Variants in ERMAP observed in about 807,000 individuals in gnomAD.
The protein encoded by ERMAP is erythroid membrane-associated protein.
ERMAP carries 34 observed loss-of-function variants against 49.5 expected under a neutral mutation model. The ratio of observed to expected loss-of-function variants is 0.69; its 90% CI spans 0.52 to 0.91. The LOEUF is 0.91. ERMAP is among the 40% of genes least tolerant of loss of function. The pLI is 0.00. For synonymous variants in ERMAP, 214 were observed against 232.2 expected (o/e 0.92, Z 0.71); for missense variants, 541 against 582.6 (o/e 0.93, Z 0.74).
At position 42,830,901 on chromosome 1, in the gene ERMAP, C is replaced by T. The variant is rs33954154; in HGVS notation, c.219C>T (p.Arg73=). ...VRWLRSPFPQ[R]SQAVHIFRDG... ...GGCTGCGGTCCCCATTCCCGCAGCG[C>T]TCCCAGGCTGTTCACATATTCCGGG... The change falls in exon 4 of 12, where the codon CGC becomes CGT. Residue 73 remains arginine (R), a synonymous_variant. Coordinates refer to ENST00000372517, the MANE Select transcript of ERMAP (RefSeq NM_001017922.2). 4.7e-3 allele frequency: 7,564 copies of T among 1,614,038 alleles called. 304 individuals are homozygous for T. In the African/African-American group the frequency reaches 0.087, roughly 19 times the overall value.
rs1278351183 is a variant in ERMAP at position 42,835,053 on chromosome 1, G to A, written c.449G>A (p.Ser150Asn). 1 of 1,466,504 alleles carries A rather than the reference G, an allele frequency of 6.8e-7. No individual in the cohort carries two copies. Among genetic ancestry groups the A allele is most frequent in the Non-Finnish European group, 9.6e-7 (1 of 1,045,056 alleles). The allele number at this position is 1,466,504 out of a possible 1,614,324, so 90.8% of individuals were successfully genotyped here. Reference sequence around the variant, plus strand: ...TCTGTTTCAGCCCCATCTGTGGGGAGTCTCTCCCCCTCAGCAGTGGCTCTG... The same window carrying A: ...TCTGTTTCAGCCCCATCTGTGGGGAATCTCTCCCCCTCAGCAGTGGCTCTG... ...ILQVAAPSVG[S>N]LSPSAVALAV... is the part of the protein sequence containing the mutation. The change falls in exon 5 of 12, where the codon AGT becomes AAT. Residue 150 changes from serine to asparagine, a missense_variant. Ser to Asn is a conservative substitution (Grantham distance 46). Transcript: ENST00000372517.
chr1:42,833,524 T>C (rs1266907466), intron 4 of ERMAP, among the ~76,000 whole-genome samples: 1 of 152,256 alleles, frequency 6.6e-6, no homozygotes, highest in Admixed American at 6.5e-5. Flanking sequence ...TTTTGCCATG[T>C]GGCTATAGAA....
Position 42,843,303 on chromosome 1 carries a change from C to A in ERMAP, c.*71C>A. ...CTGGACTTCAGTCGCCTGGCCCAAC[C>A]CCATGATTATGGAACGTCTCTTCAC... On this transcript the variant is annotated 3_prime_UTR_variant, in exon 12 of 12. Coordinates refer to ENST00000372517, the MANE Select transcript of ERMAP (RefSeq NM_001017922.2). The A allele has an allele frequency of 3.5e-6, 4 of 1,153,036 alleles. No homozygotes were observed. The highest frequency in any genetic ancestry group is 3.6e-6 in the Non-Finnish European group (3 of 822,396). The allele number at this position is 1,153,036 out of a possible 1,614,324, so 71.4% of individuals were successfully genotyped here.
intron 2 of ERMAP, among the ~76,000 whole-genome samples, chr1:42,826,383 A>AT (rs35807381): frequency 0.042 from 6,330 of 151,832 alleles, 207 homozygotes; most frequent in Non-Finnish European, 0.064. Context: ...AAATTGGCAA[A>AT]TTTTTTTTTA....
At chr1:42,839,973 T>C (rs1655009664) in intron 8 of ERMAP, 60 bp from the exon 9 acceptor site, 4 of 1,521,110 alleles carry the variant, frequency 2.6e-6, no homozygotes, top group African/African-American at 1.4e-5. Flanking sequence ...TGTAGCATTA[T>C]GGGAGGGCCT....
chr1:42,817,246 C>G lies in ERMAP; in HGVS notation c.-129C>G. 6 of 1,253,908 alleles carry G rather than the reference C, an allele frequency of 4.8e-6. No individual in the cohort carries two copies. Among genetic ancestry groups the G allele is most frequent in the Non-Finnish European group, 5.1e-6 (5 of 972,728 alleles). The allele number at this position is 1,253,908 out of a possible 1,614,324, so 77.7% of individuals were successfully genotyped here. ...CTCCGCCGAGTCGCAGACAACGCCTCCGGGAGGGTAATCCTCGCCTTCCCC... is the reference window on the plus strand; with the variant it reads ...CTCCGCCGAGTCGCAGACAACGCCTGCGGGAGGGTAATCCTCGCCTTCCCC... On this transcript the variant is annotated 5_prime_UTR_variant, in exon 1 of 12. Transcript: ENST00000372517.
At chr1:42,836,892 G>A in intron 6 of ERMAP, 1 of 313,662 alleles carries the variant, frequency 3.2e-6, no homozygotes, top group Non-Finnish European at 5.7e-6. Flanking sequence ...ATCCAGCCAG[G>A]GTGGCAGATT....
chr1:42,830,700 T>C, intron 3 of ERMAP, 68 bp from the exon 4 acceptor site: 2 of 1,446,032 alleles, frequency 1.4e-6, no homozygotes, highest in Admixed American at 4.5e-5. Context: ...GGATATCCTC[T>C]TCCTCATCCC....
intron 1 of ERMAP, among the ~76,000 whole-genome samples, chr1:42,823,570 C>G (rs1204109679): frequency 2.0e-5 from 3 of 152,118 alleles, no homozygotes; most frequent in Non-Finnish European, 2.9e-5. Flanking sequence ...AAATGCCTGC[C>G]AAATACCCAA....
intron 4 of ERMAP, among the ~76,000 whole-genome samples, chr1:42,831,706 C>T (rs1019387126): frequency 2.0e-5 from 3 of 151,502 alleles, no homozygotes; most frequent in African/African-American, 7.3e-5. Flanking sequence ...ACCTCAGCCT[C>T]CCAAGTAGCT....
rs1654272310 is a variant in ERMAP at position 42,817,388 on chromosome 1, G to C, written c.-122+135G>C. ...GGCTTCCGCCCGCAGGAGCGGCCGC[G>C]CGTGCGCAGAGAGGATGGCTGGAAA... On this transcript the variant is annotated intron_variant, in intron 1 of 11. Transcript: ENST00000372517. 6.5e-6 allele frequency: 3 copies of C among 463,680 alleles called. No individual in the cohort carries two copies. The African/African-American group carries it at 6.5e-5, about 10-fold the overall frequency. 28.7% of individuals were successfully genotyped at this position (463,680 alleles called of 1,614,324 possible).
chr1:42,839,852 T>C, intron 8 of ERMAP, 181 bp from the exon 9 acceptor site: 1 of 646,824 alleles, frequency 1.5e-6, no homozygotes. Context: ...GCAGTATCTC[T>C]GGGGATACTC....
intron 10 of ERMAP, 40 bp downstream of exon 10, chr1:42,840,218 G>A: frequency 6.2e-7 from 1 of 1,614,160 alleles, no homozygotes; most frequent in African/African-American, 1.3e-5. Context: ...CCACCCTACA[G>A]GAGTTCTTGA....
intron 6 of ERMAP, 111 bp from the exon 7 acceptor site, chr1:42,837,047 T>C (rs927537736): frequency 9.5e-7 from 1 of 1,050,286 alleles, no homozygotes; most frequent in African/African-American, 1.6e-5. Flanking sequence ...ATCAGGGAGG[T>C]GGAGGTGAAG....
chr1:42,837,247 A>G (rs1654929375), intron 7 of ERMAP, 57 bp downstream of exon 7: 2 of 1,551,738 alleles, frequency 1.3e-6, no homozygotes, highest in East Asian at 2.2e-5. Flanking sequence ...TTATTTTTCT[A>G]TGTAAATGTT....
intron 1 of ERMAP, among the ~76,000 whole-genome samples, chr1:42,821,752 C>T (rs1654410351): frequency 6.6e-6 from 1 of 152,064 alleles, no homozygotes; most frequent in Admixed American, 6.5e-5. Context: ...TGGTTCATGC[C>T]TGTAATCCAG....
At chr1:42,839,935 A>G (rs2124357000) in intron 8 of ERMAP, 98 bp from the exon 9 acceptor site, 2 of 1,204,734 alleles carry the variant, frequency 1.7e-6, no homozygotes, top group Non-Finnish European at 2.4e-6. Flanking sequence ...GCTATTGAGT[A>G]TCTGTCTGCT....
intron 1 of ERMAP, 103 bp downstream of exon 1, chr1:42,817,356 G>A (rs1220555019): frequency 4.0e-6 from 3 of 746,450 alleles, no homozygotes; most frequent in Non-Finnish European, 5.1e-6. Flanking sequence ...AGGGCCGAGC[G>A]CCAGGAGGCT....
intron 1 of ERMAP, 52 bp downstream of exon 1, chr1:42,817,305 C>A: frequency 1.7e-6 from 2 of 1,190,700 alleles, no homozygotes; most frequent in Non-Finnish European, 2.2e-6. Flanking sequence ...TGCCCACCGC[C>A]CCTCGTCCTG....
Sources: allele counts gnomAD v4.1 joint callset (sites outside exome capture counted in the v4.1 genomes callset), GRCh38; gene constraint gnomAD v4.1.1; transcripts MANE v1.5; gene names NCBI Gene and HGNC (gene_info 2026-07-23, HGNC 2026-07-21).